NLRP14: variants seen among roughly 807,000 people sequenced by gnomAD.
NLRP14 encodes the protein NLR family pyrin domain containing 14.
NLRP14 carries 105 observed loss-of-function variants against 94.7 expected under a neutral mutation model. The ratio of observed to expected loss-of-function variants is 1.11; its 90% CI spans 0.95 to 1.30. NLRP14 has a LOEUF of 1.30. Ranked by LOEUF, NLRP14 falls within the 50% of genes most tolerant of loss-of-function variation. The probability of loss-of-function intolerance (pLI) is 0.00; values close to 1 mark genes in which losing one functional copy is unlikely to be tolerated. For synonymous variants in NLRP14, 508 were observed against 459.9 expected (o/e 1.10, Z -1.34); for missense variants, 1,362 against 1,254.1 (o/e 1.09, Z -1.30).
intron 6 of NLRP14, among the ~76,000 whole-genome samples, chr11:7,056,879 T>G (rs1344103439): frequency 6.6e-6 from 1 of 152,068 alleles, no homozygotes; most frequent in East Asian, 1.9e-4. Context: ...GGCCATGTTC[T>G]AGGTCATCTA....
Position 7,058,523 on chromosome 11 carries a change from A to T in NLRP14, c.2633+73A>T. On this transcript the variant is annotated intron_variant, in intron 8 of 11. Transcript: ENST00000299481. ...AATATGTTTAAAATAGTAAAATATTATGAACACATTCTGTCCCTTGCTTTT... is the reference window on the plus strand; with the variant it reads ...AATATGTTTAAAATAGTAAAATATTTTGAACACATTCTGTCCCTTGCTTTT... 6 of 1,136,506 alleles carry T rather than the reference A, an allele frequency of 5.3e-6. No homozygotes were observed. In the South Asian group the frequency reaches 7.6e-5, roughly 14 times the overall value. 70.4% of individuals were successfully genotyped at this position (1,136,506 alleles called of 1,614,324 possible). A position where few individuals can be genotyped will look rare whatever the true frequency, so the allele number is the denominator to read the frequency against.
chr11:7,079,999 A>G, the NLRP14 span, among the ~76,000 whole-genome samples: 1 of 152,194 alleles, frequency 6.6e-6, no homozygotes, highest in Non-Finnish European at 1.5e-5. Flanking sequence ...TGGGCTGTAT[A>G]GATAAGGACT....
Position 7,043,443 on chromosome 11 carries a change from G to T in NLRP14, c.1417G>T (p.Glu473Ter), listed in dbSNP as rs1852299602. Residue 473 changes from glutamate (E) to a stop codon, truncating the protein, a stop_gained, in exon 4 of 12, where the codon GAA (glutamate) becomes TAA (stop). Coordinates refer to ENST00000299481, the MANE Select transcript of NLRP14 (RefSeq NM_176822.4). LOFTEE classifies it high-confidence loss of function. ...SNIIQKDAEY[E>*]NCYVFTHLHV... ...TATTATTCAGAAGGACGCAGAGTAT[G>T]AAAACTGCTATGTGTTCACCCACCT... 6.2e-7 allele frequency: 1 copy of T among 1,614,064 alleles called. No individual in the cohort carries two copies.
At chr11:7,033,131 T>A (rs191957290) in intron 1 of NLRP14, among the ~76,000 whole-genome samples, 2 of 152,376 alleles carry the variant, frequency 1.3e-5, no homozygotes, top group African/African-American at 2.4e-5. Context: ...TGTACGAATT[T>A]ACCACAATGT....
At position 7,024,353 on chromosome 11, in the gene NLRP14, A is replaced by G. The variant is rs115855944; in HGVS notation, c.-22+3583A>G. ...GAGGGAAATCTGTAACAGCTTGCCA[A>G]TATTGCTTATAGAAAATTTATTGAT... On this transcript the variant is annotated intron_variant, in intron 1 of 11. Coordinates refer to ENST00000299481, the MANE Select transcript of NLRP14 (RefSeq NM_176822.4). Among the ~76,000 whole-genome samples the G allele has an allele frequency of 5.6e-3, 856 of 152,302 alleles. 13 individuals are homozygous for G. Among genetic ancestry groups the G allele is most frequent in the African/African-American group, 0.02 (825 of 41,564 alleles).
rs200212568 is a variant in NLRP14 at position 7,058,384 on chromosome 11, G to A, written c.2567G>A (p.Gly856Asp). ...TTGTGCTTGGCAGACAATGTCTTGG[G>A]TGATGGTGGAGTAAAGCTTATGAGT... Reference protein sequence around the residue: ...THLCLADNVLGDGGVKLMSDA... With the variant: ...THLCLADNVLDDGGVKLMSDA... The change falls in exon 8 of 12, where the codon GGT (glycine) becomes GAT (aspartate). Residue 856 changes from glycine to aspartate, a missense_variant. By Grantham distance (94) the Gly-to-Asp change is moderately conservative. Coordinates refer to ENST00000299481, the MANE Select transcript of NLRP14 (RefSeq NM_176822.4). 1.0e-4 allele frequency: 163 copies of A among 1,612,790 alleles called. No homozygotes were observed. Among genetic ancestry groups the A allele is most frequent in the Non-Finnish European group, 1.3e-4 (149 of 1,179,078 alleles).
Position 7,031,109 on chromosome 11 carries a change from C to T in NLRP14, c.-21-7457C>T, listed in dbSNP as rs544552416. ...GAGGAGGAAGGTGAGGCATTAAGGG[C>T]CAGAGTGCGTTCCCCTTTCTGGTGG... On this transcript the variant is annotated intron_variant, in intron 1 of 11. Transcript: ENST00000299481. Among the ~76,000 whole-genome samples, 3 of 152,288 alleles carry T rather than the reference C, an allele frequency of 2.0e-5. No individual in the cohort carries two copies. In the South Asian group the frequency reaches 6.2e-4, roughly 32 times the overall value.
intron 1 of NLRP14, among the ~76,000 whole-genome samples, chr11:7,027,772 G>A (rs1369634311): frequency 6.6e-6 from 1 of 152,074 alleles, no homozygotes; most frequent in Admixed American, 6.5e-5. Context: ...TCTCAATGTT[G>A]CTAAATTCAA....
At chr11:7,029,920 T>C (rs2119563807) in intron 1 of NLRP14, among the ~76,000 whole-genome samples, 1 of 152,320 alleles carries the variant, frequency 6.6e-6, no homozygotes, top group African/African-American at 2.4e-5. Context: ...GCCTGAGTCC[T>C]TAGTATCAGT....
At chr11:7,062,305 T>A in intron 9 of NLRP14, 28 bp from the exon 10 acceptor site, 1 of 1,590,586 alleles carries the variant, frequency 6.3e-7, no homozygotes, top group Non-Finnish European at 8.6e-7. Flanking sequence ...AATGGAAGGA[T>A]TCACTTTTCC....
downstream of NLRP14, among the ~76,000 whole-genome samples, chr11:7,074,700 C>CA (rs1399206914): frequency 6.6e-6 from 1 of 152,138 alleles, no homozygotes; most frequent in Non-Finnish European, 1.5e-5. Flanking sequence ...GCATAAGTCT[C>CA]AAATCATCAG....
At chr11:7,028,833 TA>T (rs980984197) in intron 1 of NLRP14, among the ~76,000 whole-genome samples, 2 of 152,250 alleles carry the variant, frequency 1.3e-5, no homozygotes, top group East Asian at 1.9e-4. Context: ...TACTGAGAAT[TA>T]AAAAAATGAA....
chr11:7,059,945 T>G lies in NLRP14; in HGVS notation c.2685T>G (p.Ser895=). ...TSLSSEYLST[S]LLHNKSLTHL... ...TTAGCAGTGAATATCTGTCAACTTC[T>G]CTTCTACACAACAAGAGCCTGACGC... The change falls in exon 9 of 12, where the codon TCT becomes TCG. Residue 895 remains serine (S), a synonymous_variant. Transcript: ENST00000299481. The G allele has an allele frequency of 6.2e-7, 1 of 1,612,714 alleles. No individual in the cohort carries two copies. The highest frequency in any genetic ancestry group is 8.5e-7 in the Non-Finnish European group (1 of 1,178,980).
At chr11:7,070,209 G>C in intron 10 of NLRP14, 77 bp from the exon 11 acceptor site, 1 of 1,027,380 alleles carries the variant, frequency 9.7e-7, no homozygotes, top group South Asian at 1.3e-5. Context: ...CCTCCATTCT[G>C]AGTTCACAGA....
intron 1 of NLRP14, among the ~76,000 whole-genome samples, chr11:7,021,364 C>T (rs1052953739): frequency 2.0e-5 from 3 of 152,182 alleles, no homozygotes; most frequent in African/African-American, 7.2e-5. Flanking sequence ...GGGTGGGTGG[C>T]CCAGCGCCTA....
At chr11:7,044,868 A>G (rs1040928838) in intron 4 of NLRP14, among the ~76,000 whole-genome samples, 1 of 152,232 alleles carries the variant, frequency 6.6e-6, no homozygotes, top group African/African-American at 2.4e-5. Flanking sequence ...TATTGATTCA[A>G]GCACACATCA....
chr11:7,050,278 A>G (rs1207691563), intron 6 of NLRP14, among the ~76,000 whole-genome samples: 1 of 152,170 alleles, frequency 6.6e-6, no homozygotes, highest in Non-Finnish European at 1.5e-5. Context: ...CCCTCAATTT[A>G]GAACTTCAAC....
At chr11:7,066,549 TG>T (rs1185130904) in intron 10 of NLRP14, among the ~76,000 whole-genome samples, 1 of 152,218 alleles carries the variant, frequency 6.6e-6, no homozygotes, top group Non-Finnish European at 1.5e-5. Context: ...CACTTTTTGA[TG>T]GGGTTGTTTT....
rs899127727 is a variant in NLRP14, at chr11:7,070,228, G to A, written c.2976-58G>A. 2.4e-6 allele frequency: 3 copies of A among 1,238,690 alleles called. No individual in the cohort carries two copies. In the African/African-American group the frequency reaches 4.4e-5, roughly 18 times the overall value. 76.7% of individuals were successfully genotyped at this position (1,238,690 alleles called of 1,614,324 possible). On this transcript the variant is annotated intron_variant, in intron 10 of 11. Coordinates refer to ENST00000299481, the MANE Select transcript of NLRP14 (RefSeq NM_176822.4). ...CATTCTGAGTTCACAGATCTCTTGTGGGCTTTGTTGTGTCATCGAATAAAT... is the reference window on the plus strand; with the variant it reads ...CATTCTGAGTTCACAGATCTCTTGTAGGCTTTGTTGTGTCATCGAATAAAT...
Sources: allele counts gnomAD v4.1 joint callset (sites outside exome capture counted in the v4.1 genomes callset), GRCh38; gene constraint gnomAD v4.1.1; transcripts MANE v1.5; gene names NCBI Gene and HGNC (gene_info 2026-07-23, HGNC 2026-07-21).